Variants in MAGI1 observed in about 807,000 individuals in gnomAD.
MAGI1 encodes the protein membrane-associated guanylate kinase, WW and PDZ domain-containing protein 1.
MAGI1 carries 58 observed loss-of-function variants against 139.9 expected under a neutral mutation model. The observed-to-expected ratio is 0.41, with a 90% CI of 0.34 to 0.52. The LOEUF (loss-of-function observed/expected upper bound fraction) is 0.52. Among genes scored for constraint, MAGI1 ranks in the 20% least tolerant of loss-of-function variants. MAGI1 has a pLI of 0.12. For synonymous variants in MAGI1, 812 were observed against 737.9 expected, an observed-to-expected ratio of 1.10 and a Z score of -1.63; for missense variants, 1,874 against 1,901.6, an observed-to-expected ratio of 0.99 and a Z score of 0.27.
intron 1 of MAGI1, among the ~76,000 whole-genome samples, chr3:65,764,724 A>G (rs557807876): frequency 6.6e-6 from 1 of 152,230 alleles, no homozygotes; most frequent in South Asian, 2.1e-4. Flanking sequence ...CATCTTCTTT[A>G]GAATACAGTG....
intron 1 of MAGI1, among the ~76,000 whole-genome samples, chr3:65,918,362 T>C (rs2062007322): frequency 6.6e-6 from 1 of 150,562 alleles, no homozygotes. Flanking sequence ...CTGTGCATTA[T>C]ACTCTTGCTC....
At chr3:65,532,187 C>T (rs919537459) in intron 2 of MAGI1, among the ~76,000 whole-genome samples, 9 of 152,146 alleles carry the variant, frequency 5.9e-5, no homozygotes, top group African/African-American at 2.2e-4. Context: ...TTCAACGTTC[C>T]AATCATTTCC....
intron 1 of MAGI1, among the ~76,000 whole-genome samples, chr3:65,897,477 G>A (rs1426828606): frequency 1.3e-5 from 2 of 151,854 alleles, no homozygotes; most frequent in South Asian, 2.1e-4. Context: ...GTGGGGTGGG[G>A]GGCAGGGGCG....
chr3:65,826,488 T>C (rs562921962), intron 1 of MAGI1, among the ~76,000 whole-genome samples: 1 of 152,352 alleles, frequency 6.6e-6, no homozygotes, highest in South Asian at 2.1e-4. Flanking sequence ...TCTGGGCTAA[T>C]TAAGTATGGC....
chr3:65,946,201 T>C lies in MAGI1; in HGVS notation c.313+91795A>G, dbSNP rs1228578890. 2.6e-5 allele frequency among the ~76,000 whole-genome samples: 4 copies of C among 152,120 alleles called. No individual in the cohort carries two copies. The East Asian group carries it at 7.7e-4, about 29-fold the overall frequency. Reference sequence around the variant, plus strand: ...GCATGCCCTCCCAGGGCACTAAGGGTGATGACTGGGAATTAGAAAGGGTGG... The same window carrying C: ...GCATGCCCTCCCAGGGCACTAAGGGCGATGACTGGGAATTAGAAAGGGTGG... On this transcript the variant is annotated intron_variant, in intron 1 of 22. Transcript: ENST00000402939.
At chr3:65,472,335 T>C (rs970802312) in intron 4 of MAGI1, among the ~76,000 whole-genome samples, 3 of 152,082 alleles carry the variant, frequency 2.0e-5, no homozygotes, top group African/African-American at 7.2e-5. Context: ...CCTGGAGAGA[T>C]TGTTAAAATG....
At chr3:65,702,659 C>A (rs1269908521) in intron 1 of MAGI1, among the ~76,000 whole-genome samples, 1 of 152,096 alleles carries the variant, frequency 6.6e-6, no homozygotes, top group East Asian at 1.9e-4. Flanking sequence ...CTCTGAGAGG[C>A]CTTCCTTAGC....
chr3:66,025,639 T>C (rs2068214236), intron 1 of MAGI1, among the ~76,000 whole-genome samples: 1 of 152,238 alleles, frequency 6.6e-6, no homozygotes, highest in South Asian at 2.1e-4. Flanking sequence ...TACAGTCTTA[T>C]TTTCATAAGA....
At chr3:65,861,808 G>C (rs1178193656) in intron 1 of MAGI1, among the ~76,000 whole-genome samples, 1 of 152,094 alleles carries the variant, frequency 6.6e-6, no homozygotes, top group African/African-American at 2.4e-5. Context: ...CTAAAATGTG[G>C]ATCTAACTTT....
At chr3:65,751,953 G>A (rs144362258) in intron 1 of MAGI1, among the ~76,000 whole-genome samples, 13 of 152,078 alleles carry the variant, frequency 8.5e-5, no homozygotes, top group African/African-American at 3.1e-4. Context: ...TCGTTTGTTT[G>A]TTTTTTGGAA....
intron 1 of MAGI1, among the ~76,000 whole-genome samples, chr3:65,991,019 T>C (rs573782422): frequency 5.3e-5 from 8 of 151,948 alleles, no homozygotes; most frequent in Admixed American, 2.6e-4. Context: ...CTGGGCACGG[T>C]GGCTCACACC....
chr3:65,624,137 G>A (rs946062951), intron 1 of MAGI1, among the ~76,000 whole-genome samples: 2 of 152,162 alleles, frequency 1.3e-5, no homozygotes, highest in Non-Finnish European at 2.9e-5. Flanking sequence ...GTGTTGGCAA[G>A]GTTGTAGAGA....
In MAGI1 at chr3:65,401,455, T is replaced by C. The variant is rs1178267348; in HGVS notation, c.2183A>G (p.Lys728Arg). ...LVQRGGLPVP[K>R]KSPKSQPLER... ...AGTCCTTACCGACTTTGGGCTCTTC[T>C]TGGGAACTGGCAGCCCTGGAAAAAA... Residue 728 changes from lysine (K) to arginine (R), a missense_variant, in exon 13 of 23, where the codon AAG (lysine) becomes AGG (arginine). Transcript: ENST00000402939. 1 of 1,602,368 alleles carries C rather than the reference T, an allele frequency of 6.2e-7. No individual in the cohort carries two copies. Among genetic ancestry groups the C allele is most frequent in the East Asian group, 2.3e-5 (1 of 44,026 alleles).
At chr3:65,916,116 G>A (rs752420406) in intron 1 of MAGI1, among the ~76,000 whole-genome samples, 2 of 151,272 alleles carry the variant, frequency 1.3e-5, no homozygotes, top group African/African-American at 2.4e-5. Flanking sequence ...GCTCAGGCTG[G>A]AGCGCAGTGG....
chr3:65,825,575 G>T (rs912938257), intron 1 of MAGI1, among the ~76,000 whole-genome samples: 18 of 114,402 alleles, frequency 1.6e-4, no homozygotes, highest in Middle Eastern at 4.3e-3. Context: ...CATCAAAAGG[G>T]AAATGTTAAA....
chr3:65,770,529 A>G (rs1351604723), intron 1 of MAGI1, among the ~76,000 whole-genome samples: 1 of 152,212 alleles, frequency 6.6e-6, no homozygotes, highest in East Asian at 1.9e-4. Flanking sequence ...TCTTGTGTAA[A>G]TGATACCTGT....
chr3:65,649,500 C>G (rs1047875735), intron 1 of MAGI1, among the ~76,000 whole-genome samples: 4 of 152,124 alleles, frequency 2.6e-5, no homozygotes, highest in Non-Finnish European at 4.4e-5. Flanking sequence ...ATGAACTGGG[C>G]ATTATGAAAA....
chr3:65,716,438 T>A (rs2032256955), intron 1 of MAGI1, among the ~76,000 whole-genome samples: 1 of 152,222 alleles, frequency 6.6e-6, no homozygotes, highest in South Asian at 2.1e-4. Flanking sequence ...CTTACCTCGA[T>A]GTGCAGTGCA....
At chr3:65,786,693 G>C (rs894654062) in intron 1 of MAGI1, among the ~76,000 whole-genome samples, 3 of 148,076 alleles carry the variant, frequency 2.0e-5, no homozygotes, top group Non-Finnish European at 4.5e-5. Context: ...CTCACTGCAA[G>C]CTCTGCCTCC....
Sources: gnomAD v4.1 joint callset for allele counts (sites outside exome capture counted in the v4.1 genomes callset) on GRCh38, gnomAD v4.1.1 for gene constraint, MANE v1.5 for transcripts, NCBI Gene and HGNC (gene_info 2026-07-23, HGNC 2026-07-21) for gene names.